The following PRKAG2 variants were observed in gnomAD, a reference collection of about 807,000 sequenced individuals.
PRKAG2 encodes protein kinase AMP-activated non-catalytic subunit gamma 2.
PRKAG2 carries 26 observed loss-of-function variants against 69.6 expected under a neutral mutation model. The ratio of observed to expected loss-of-function variants is 0.37; its 90% CI spans 0.27 to 0.52. PRKAG2 has a LOEUF of 0.52. Ranked by LOEUF, PRKAG2 falls within the 20% of genes least tolerant of loss-of-function variation. PRKAG2 has a pLI of 0.90. For synonymous variants in PRKAG2, 293 were observed against 285.0 expected (o/e 1.03, Z -0.28); for missense variants, 557 against 740.0 (o/e 0.75, Z 2.87).
At chr7:151,793,116 G>A (rs1035901906) in intron 1 of PRKAG2, among the ~76,000 whole-genome samples, 5 of 152,220 alleles carry the variant, frequency 3.3e-5, no homozygotes, top group African/African-American at 7.2e-5. Flanking sequence ...AACAATAGGC[G>A]AGATCAGGAA....
intron 3 of PRKAG2, among the ~76,000 whole-genome samples, chr7:151,751,266 T>TTTTA (rs34506041): frequency 0.2 from 30,756 of 150,174 alleles, 3,487 homozygotes; most frequent in Non-Finnish European, 0.25. Flanking sequence ...CCAGGCTAAT[T>TTTTA]TTTATTTATT....
intron 6 of PRKAG2, among the ~76,000 whole-genome samples, chr7:151,581,162 G>T (rs1037740951): frequency 1.3e-5 from 2 of 152,100 alleles, no homozygotes; most frequent in African/African-American, 4.8e-5. Flanking sequence ...TTGTTAAATC[G>T]AGTGAAGAAG....
At chr7:151,573,333 GTTTTTTTTTTT>G (rs57854174) in intron 8 of PRKAG2, among the ~76,000 whole-genome samples, 51 of 82,882 alleles carry the variant, frequency 6.2e-4, no homozygotes, top group African/African-American at 1.0e-3. Flanking sequence ...ATTTTTGTGG[GTTTTTTTTTTT>G]TTTTTTTTTT....
chr7:151,627,980 A>G (rs1164749347), intron 5 of PRKAG2, among the ~76,000 whole-genome samples: 1 of 152,194 alleles, frequency 6.6e-6, no homozygotes, highest in Non-Finnish European at 1.5e-5. Context: ...CTACTTTGGA[A>G]AATCTTTGCA....
chr7:151,728,087 C>T (rs1798296805), intron 3 of PRKAG2, among the ~76,000 whole-genome samples: 1 of 152,100 alleles, frequency 6.6e-6, no homozygotes, highest in South Asian at 2.1e-4. Context: ...GACCACGGGC[C>T]TGACCGGGAG....
rs1240864714 is a variant in PRKAG2 at position 151,709,670 on chromosome 7, CAT to C, written c.467-34035_467-34034del. The stretch of plus-strand genomic sequence containing the variant: ...ATGATATATGTGACACTGAATGACA[CAT>C]GTGACATTGTGTGACACACACATAA... On this transcript the variant is annotated intron_variant, in intron 3 of 15. Transcript: ENST00000287878. Among the ~76,000 whole-genome samples the C allele has an allele frequency of 2.6e-5, 4 of 152,046 alleles. No individual in the cohort carries two copies. The South Asian group carries it at 8.3e-4, about 32-fold the overall frequency.
intron 1 of PRKAG2, among the ~76,000 whole-genome samples, chr7:151,789,673 G>T (rs565378158): frequency 2.0e-5 from 3 of 152,344 alleles, no homozygotes; most frequent in Non-Finnish European, 4.4e-5. Flanking sequence ...AGCCTTTCTG[G>T]TGGTGTTTAT....
At chr7:151,723,209 C>A (rs1797396471) in intron 3 of PRKAG2, among the ~76,000 whole-genome samples, 1 of 152,148 alleles carries the variant, frequency 6.6e-6, no homozygotes, top group African/African-American at 2.4e-5. Context: ...TGGTAAAAGC[C>A]ATAAGTCCCT....
At chr7:151,618,983 T>C (rs948605209) in intron 5 of PRKAG2, among the ~76,000 whole-genome samples, 1 of 152,102 alleles carries the variant, frequency 6.6e-6, no homozygotes, top group Non-Finnish European at 1.5e-5. Context: ...GCACACACTC[T>C]TCTAAATAAG....
intron 5 of PRKAG2, among the ~76,000 whole-genome samples, chr7:151,610,617 C>A (rs1818560930): frequency 6.6e-6 from 1 of 151,058 alleles, no homozygotes; most frequent in Non-Finnish European, 1.5e-5. Context: ...GCAGAAGTTG[C>A]AGTGAACTGA....
chr7:151,693,156 T>C (rs1243081330), intron 3 of PRKAG2, among the ~76,000 whole-genome samples: 2 of 152,218 alleles, frequency 1.3e-5, no homozygotes, highest in Non-Finnish European at 1.5e-5. Context: ...TGCATATCCC[T>C]GAAAGGTGTG....
intron 3 of PRKAG2, among the ~76,000 whole-genome samples, chr7:151,676,691 A>C (rs1400000647): frequency 6.6e-6 from 1 of 152,214 alleles, no homozygotes; most frequent in East Asian, 1.9e-4. Flanking sequence ...GAAGAGGTTA[A>C]ATAAATCATG....
chr7:151,579,294 T>C (rs1481106745), intron 6 of PRKAG2, among the ~76,000 whole-genome samples: 7 of 152,198 alleles, frequency 4.6e-5, no homozygotes, highest in Non-Finnish European at 1.0e-4. Flanking sequence ...AGTGTTAGGA[T>C]TACAGGCATG....
intron 5 of PRKAG2, among the ~76,000 whole-genome samples, chr7:151,604,787 T>A (rs1472711912): frequency 1.3e-5 from 2 of 152,212 alleles, no homozygotes; most frequent in African/African-American, 4.8e-5. Context: ...GAGCATCTCC[T>A]CGGGCTCCTC....
intron 3 of PRKAG2, among the ~76,000 whole-genome samples, chr7:151,773,031 G>GAA (rs2076120386): frequency 9.4e-5 from 3 of 32,080 alleles, no homozygotes; most frequent in African/African-American, 2.3e-4. Context: ...GAAAGAGAGA[G>GAA]AGAGAGAGAG....
At chr7:151,568,567 A>G (rs1806812028) in intron 11 of PRKAG2, 149 bp downstream of exon 11, 1 of 759,484 alleles carries the variant, frequency 1.3e-6, no homozygotes, top group Admixed American at 2.4e-5. Context: ...CAATTCAGAG[A>G]GTAGTAAGTT....
At chr7:151,737,895 G>T (rs993883723) in intron 3 of PRKAG2, among the ~76,000 whole-genome samples, 1 of 151,734 alleles carries the variant, frequency 6.6e-6, no homozygotes, top group African/African-American at 2.4e-5. Context: ...ATTCCCATGG[G>T]GCCTCCATCC....
At chr7:151,570,564 A>C (rs1236189300) in intron 9 of PRKAG2, among the ~76,000 whole-genome samples, 1 of 152,224 alleles carries the variant, frequency 6.6e-6, no homozygotes, top group Non-Finnish European at 1.5e-5. Flanking sequence ...CCTTACTCTC[A>C]AGAAATGAAG....
intron 8 of PRKAG2, among the ~76,000 whole-genome samples, chr7:151,573,970 G>A (rs567508671): frequency 3.7e-4 from 56 of 152,144 alleles, no homozygotes; most frequent in African/African-American, 1.3e-3. Context: ...GTAGAGACAG[G>A]GTTTCACTAT....
Sources: allele counts gnomAD v4.1 joint callset (sites outside exome capture counted in the v4.1 genomes callset), GRCh38; gene constraint gnomAD v4.1.1; transcripts MANE v1.5; gene names NCBI Gene and HGNC (gene_info 2026-07-23, HGNC 2026-07-21).